POLQ: variants seen among roughly 807,000 people sequenced by gnomAD.
The protein encoded by POLQ is DNA polymerase theta.
Under a neutral mutation model 259.2 loss-of-function variants are expected in POLQ, and 233 were observed. The ratio of observed to expected loss-of-function variants is 0.90; its 90% CI spans 0.81 to 1.00. POLQ has a LOEUF of 1.00. Among genes scored for constraint, POLQ ranks in the 50% least tolerant of loss-of-function variants. The probability of loss-of-function intolerance (pLI) is 0.00; values close to 1 mark genes in which losing one functional copy is unlikely to be tolerated. For synonymous variants in POLQ, 1,025 were observed against 1,048.8 expected, an observed-to-expected ratio of 0.98 and a Z score of 0.44; for missense variants, 2,871 against 3,051.6, an observed-to-expected ratio of 0.94 and a Z score of 1.39.
Position 121,483,408 on chromosome 3 carries a change from TC to T in POLQ, c.5947del (p.Glu1983SerfsTer14). On this transcript the variant is annotated frameshift_variant, in exon 18 of 30. Transcript: ENST00000264233. LOFTEE classifies it high-confidence loss of function. ...ILLLSCGISL[E>X]QSYEDPKVAC... Reference sequence around the variant, plus strand: ...AACCTTAGGATCTTCATAACTTTGCTCCAAGGAGATGCCACAAGAAAGAAGA... The same window carrying T: ...AACCTTAGGATCTTCATAACTTTGCTCAAGGAGATGCCACAAGAAAGAAGA... The T allele has an allele frequency of 6.3e-7, 1 of 1,577,312 alleles. No individual in the cohort carries two copies. Among genetic ancestry groups the T allele is most frequent in the South Asian group, 1.2e-5 (1 of 82,966 alleles).
chr3:121,481,052 G>T (rs1056282584), intron 19 of POLQ, among the ~76,000 whole-genome samples: 1 of 152,074 alleles, frequency 6.6e-6, no homozygotes, highest in Non-Finnish European at 1.5e-5. Context: ...TATTTGTCAT[G>T]AGGGAAAAAA....
At chr3:121,520,823 G>A (rs935006513) in intron 8 of POLQ, among the ~76,000 whole-genome samples, 18 of 152,178 alleles carry the variant, frequency 1.2e-4, no homozygotes, top group African/African-American at 4.1e-4. Flanking sequence ...GTAGTGATAT[G>A]CCTTATTCAT....
chr3:121,518,712 G>C (rs1309960469), intron 9 of POLQ, among the ~76,000 whole-genome samples: 2 of 151,070 alleles, frequency 1.3e-5, no homozygotes, highest in Non-Finnish European at 2.9e-5. Flanking sequence ...TATTCTCCTG[G>C]ATTTCCTAAT....
intron 23 of POLQ, among the ~76,000 whole-genome samples, chr3:121,467,943 G>T (rs2047852029): frequency 6.6e-6 from 1 of 152,098 alleles, no homozygotes; most frequent in African/African-American, 2.4e-5. Context: ...TGAGGTGGGA[G>T]GATTGCTCGA....
At chr3:121,496,180 C>T (rs1370730753) in intron 14 of POLQ, among the ~76,000 whole-genome samples, 3 of 59,736 alleles carry the variant, frequency 5.0e-5, no homozygotes, top group Admixed American at 1.7e-4. Flanking sequence ...TTAATCAGTA[C>T]CTTTTTTTTT....
At position 121,487,571 on chromosome 3, in the gene POLQ, G is replaced by A. The variant is rs1297151885; in HGVS notation, c.5360C>T (p.Pro1787Leu). The change falls in exon 16 of 30, where the codon CCA becomes CTA. Residue 1787 changes from proline to leucine, a missense_variant. Physicochemically the swap from Pro to Leu is moderately conservative, Grantham distance 98 (BLOSUM62 -3). Transcript: ENST00000264233. ...GTCTTTGAACCCATTTCTACTCCCT[G>A]GACTTAAATCGTGGTTTTTAATATC... Reference protein sequence around the residue: ...PSDIKNHDLSPGSRNGFKDNS... With the variant: ...PSDIKNHDLSLGSRNGFKDNS... 1.6e-5 allele frequency: 26 copies of A among 1,613,776 alleles called. No individual in the cohort carries two copies. In the East Asian group the frequency reaches 5.8e-4, roughly 36 times the overall value.
At position 121,516,015 on chromosome 3, in the gene POLQ, G is replaced by T. The variant is rs74484677; in HGVS notation, c.1468+3856C>A. Among the ~76,000 whole-genome samples the T allele has an allele frequency of 3.1e-3, 474 of 151,988 alleles. 8 individuals carry two copies. Among genetic ancestry groups the T allele is most frequent in the African/African-American group, 0.011 (451 of 41,446 alleles). On this transcript the variant is annotated intron_variant, in intron 9 of 29. Transcript: ENST00000264233. ...AAGAAAGAGAAATCTTAGAGATGAA[G>T]AGTACAATGAGTGAACTGAAAAATG...
chr3:121,501,854 G>C (rs930831500), intron 12 of POLQ, among the ~76,000 whole-genome samples: 1 of 151,212 alleles, frequency 6.6e-6, no homozygotes, highest in Non-Finnish European at 1.5e-5. Flanking sequence ...CCCAGGAGTG[G>C]TGGCGCATGC....
intron 3 of POLQ, 74 bp downstream of exon 3, chr3:121,541,275 C>A: frequency 7.8e-7 from 1 of 1,283,568 alleles, no homozygotes; most frequent in Non-Finnish European, 1.1e-6. Flanking sequence ...TTTTATAATT[C>A]TATTTCAAAT....
Position 121,545,865 on chromosome 3 carries a change from G to T in POLQ, c.13C>A (p.Arg5Ser), listed in dbSNP as rs1222430604. 6.2e-7 allele frequency: 1 copy of T among 1,613,886 alleles called. No homozygotes were observed. The highest frequency in any genetic ancestry group is 8.5e-7 in the Non-Finnish European group (1 of 1,179,972). Reference protein sequence around the residue: MNLLRRSGKRRRSES... With the variant: MNLLSRSGKRRRSES... ...GAACGCCGCCGTTTCCCACTCCGAC[G>T]CAGAAGATTCATGGCAAACTCTTCT... The change falls in exon 1 of 30, where the codon CGT becomes AGT. Residue 5 changes from arginine to serine, a missense_variant. By Grantham distance (110) the Arg-to-Ser change is moderately radical. Around this residue, in one of 3 missense-constraint regions of POLQ, gnomAD observed 783 missense variants for 906.2 expected, o/e 0.86. Transcript: ENST00000264233.
chr3:121,438,971 A>T (rs908897014), intron 27 of POLQ, among the ~76,000 whole-genome samples: 10 of 152,180 alleles, frequency 6.6e-5, no homozygotes, highest in Non-Finnish European at 1.5e-4. Flanking sequence ...GGGTATTTTC[A>T]TTATATACAA....
chr3:121,540,524 A>G (rs1302451340), intron 3 of POLQ, among the ~76,000 whole-genome samples: 1 of 152,244 alleles, frequency 6.6e-6, no homozygotes, highest in Non-Finnish European at 1.5e-5. Flanking sequence ...AACTGTGAGC[A>G]TCATATTGAT....
chr3:121,455,851 A>G (rs2047731424), intron 25 of POLQ, among the ~76,000 whole-genome samples: 1 of 152,236 alleles, frequency 6.6e-6, no homozygotes, highest in Non-Finnish European at 1.5e-5. Flanking sequence ...TCCAATCAAT[A>G]GAAAAAGAGG....
chr3:121,449,375 T>C lies in POLQ; in HGVS notation c.7204A>G (p.Met2402Val). 1 of 1,608,414 alleles carries C rather than the reference T, an allele frequency of 6.2e-7. No individual in the cohort carries two copies. Among genetic ancestry groups the C allele is most frequent in the Non-Finnish European group, 8.5e-7 (1 of 1,174,834 alleles). The change falls in exon 26 of 30, where the codon ATG (methionine) becomes GTG (valine). Residue 2402 changes from methionine to valine, a missense_variant. Met to Val is a conservative substitution (Grantham distance 21). Transcript: ENST00000264233. ...GMGAKSLGEQ[M>V]GIKENDAACY... ...GCAGCATCATTTTCTTTAATGCCCA[T>C]CTGCTCTCCCAAAGATTTAGCTCCC...
intron 12 of POLQ, among the ~76,000 whole-genome samples, chr3:121,508,025 T>C (rs1030337436): frequency 6.6e-6 from 1 of 150,696 alleles, no homozygotes; most frequent in Non-Finnish European, 1.5e-5. Context: ...AATTTTTTTT[T>C]TTTTTTTTTT....
chr3:121,456,965 G>A (rs977738604), intron 25 of POLQ, among the ~76,000 whole-genome samples: 10 of 152,244 alleles, frequency 6.6e-5, no homozygotes, highest in South Asian at 4.2e-4. Flanking sequence ...GAGGCATCAA[G>A]CTACCTGACT....
In POLQ at chr3:121,504,580, A is replaced by G. The variant is rs187149208; in HGVS notation, c.1959+4981T>C. ...TACTCCAAAACCACACAAAGACATC[A>G]CGAGAAAACAGAACTACAGGTCAAT... On this transcript the variant is annotated intron_variant, in intron 12 of 29. Transcript: ENST00000264233. 2.2e-4 allele frequency among the ~76,000 whole-genome samples: 34 copies of G among 152,344 alleles called. 1 individual carries two copies. The highest frequency in any genetic ancestry group is 2.2e-3 in the Admixed American group (34 of 15,294).
At chr3:121,445,429 A>AT (rs2047624689) in intron 26 of POLQ, among the ~76,000 whole-genome samples, 1 of 152,206 alleles carries the variant, frequency 6.6e-6, no homozygotes, top group Non-Finnish European at 1.5e-5. Context: ...AGCTGCTCAT[A>AT]GTAGCCACTA....
intron 9 of POLQ, among the ~76,000 whole-genome samples, chr3:121,513,680 C>T (rs2048273071): frequency 6.6e-6 from 1 of 151,524 alleles, no homozygotes; most frequent in East Asian, 1.9e-4. Flanking sequence ...CTACCCCCCT[C>T]CCCAGAAGCT....
Sources: gnomAD v4.1 joint callset for allele counts (sites outside exome capture counted in the v4.1 genomes callset) on GRCh38, gnomAD v4.1.1 for gene constraint, gnomAD v4.1.1 regional missense constraint, MANE v1.5 for transcripts, NCBI Gene and HGNC (gene_info 2026-07-23, HGNC 2026-07-21) for gene names.